Variants in WDPCP observed in about 807,000 individuals in gnomAD.
The protein encoded by WDPCP is WD repeat containing planar cell polarity effector.
WDPCP carries 71 observed loss-of-function variants against 93.1 expected under a neutral mutation model. The observed-to-expected ratio is 0.76, with a 90% CI of 0.63 to 0.93. The LOEUF (loss-of-function observed/expected upper bound fraction) is 0.93, where lower values mean the gene tolerates loss of function less well. WDPCP is among the 40% of genes least tolerant of loss of function. WDPCP has a pLI of 0.00. For synonymous variants in WDPCP, 315 were observed against 315.0 expected, an observed-to-expected ratio of 1.00 and a Z score of 0.00; for missense variants, 844 against 887.4, an observed-to-expected ratio of 0.95 and a Z score of 0.62.
At chr2:63,441,932 A>G (rs1477498847) in intron 6 of WDPCP, 1 of 152,208 alleles carries the variant, frequency 6.6e-6, no homozygotes, top group Non-Finnish European at 1.5e-5. Context: ...AAGTAGGTTA[A>G]TAGAAAGAGG....
At chr2:63,233,378 AC>A in intron 14 of WDPCP, 1 of 248,716 alleles carries the variant, frequency 4.0e-6, no homozygotes, top group Non-Finnish European at 7.9e-6. Flanking sequence ...CCATAAATCC[AC>A]AGAGTCTACA....
rs1671109655 is a variant in WDPCP at position 63,826,098 on chromosome 2, A to G, written n.222+1524T>C. On this transcript the variant is annotated intron_variant and non_coding_transcript_variant, in intron 1 of 4. Coordinates refer to the WDPCP transcript ENST00000467687. The stretch of plus-strand genomic sequence containing the variant: ...GTATCTTGCTCAATTCAATGCCATT[A>G]AAAGTTCAGATGCATCAGTTTGCCA... Among the ~76,000 whole-genome samples the G allele has an allele frequency of 2.6e-5, 4 of 152,316 alleles. No homozygotes were observed. The South Asian group carries it at 6.2e-4, about 24-fold the overall frequency.
chr2:63,359,121 C>T (rs1690245545), intron 12 of WDPCP, among the ~76,000 whole-genome samples: 1 of 151,490 alleles, frequency 6.6e-6, no homozygotes, highest in Admixed American at 6.6e-5. Flanking sequence ...CTTCTTTTTC[C>T]TTCTCCCTCC....
chr2:63,435,341 T>A (rs899677813), intron 8 of WDPCP, among the ~76,000 whole-genome samples: 1 of 152,202 alleles, frequency 6.6e-6, no homozygotes, highest in Non-Finnish European at 1.5e-5. Context: ...TCTATACCAC[T>A]TCCTTGTTTT....
chr2:63,833,789 G>T, the WDPCP span, among the ~76,000 whole-genome samples: 6 of 152,058 alleles, frequency 3.9e-5, no homozygotes, highest in African/African-American at 1.4e-4. Flanking sequence ...ACAACAAAAA[G>T]GATTTTAGAT....
At chr2:63,778,248 C>T (rs1464105572) in intron 2 of WDPCP, among the ~76,000 whole-genome samples, 2 of 151,446 alleles carry the variant, frequency 1.3e-5, no homozygotes, top group East Asian at 3.9e-4. Flanking sequence ...CACTCTGTCT[C>T]CCAGGCTGGA....
intron 3 of WDPCP, among the ~76,000 whole-genome samples, chr2:63,618,393 A>G (rs533178547): frequency 9.9e-5 from 15 of 152,218 alleles, no homozygotes; most frequent in Non-Finnish European, 1.0e-4. Context: ...CCTTCAACAC[A>G]CAAAGTACAT....
intron 3 of WDPCP, among the ~76,000 whole-genome samples, chr2:63,612,861 G>C (rs541508515): frequency 4.0e-5 from 6 of 151,836 alleles, no homozygotes; most frequent in African/African-American, 1.4e-4. Context: ...CTAGGACCTA[G>C]GCAGGTAGGG....
At chr2:63,752,612 T>TA in intron 2 of WDPCP, 1 of 549,670 alleles carries the variant, frequency 1.8e-6, no homozygotes, top group Non-Finnish European at 3.2e-6. Flanking sequence ...CTCTTTAGGA[T>TA]ACTGATTTAG....
At chr2:63,349,533 C>T (rs1288115222) in intron 12 of WDPCP, among the ~76,000 whole-genome samples, 1 of 151,958 alleles carries the variant, frequency 6.6e-6, no homozygotes, top group Non-Finnish European at 1.5e-5. Flanking sequence ...TAAATTATAA[C>T]ATCATACAAA....
chr2:63,396,756 T>C (rs982642551), intron 10 of WDPCP, among the ~76,000 whole-genome samples: 1 of 152,126 alleles, frequency 6.6e-6, no homozygotes, highest in African/African-American at 2.4e-5. Flanking sequence ...GATTATTTAA[T>C]CACCCAGGTA....
Position 63,750,659 on chromosome 2 carries a change from A to G in WDPCP, n.308+62963T>C, listed in dbSNP as rs574746666. 2.6e-5 allele frequency among the ~76,000 whole-genome samples: 4 copies of G among 152,280 alleles called. No homozygotes were observed. The South Asian group carries it at 8.3e-4, about 32-fold the overall frequency. On this transcript the variant is annotated intron_variant and non_coding_transcript_variant, in intron 2 of 4. Coordinates refer to the WDPCP transcript ENST00000467687. ...TAGGTTTTTGTGAAAGTTCCCTTCTATTCCTAGTTAGCTAAAAGTGTTCTT... is the reference window on the plus strand; with the variant it reads ...TAGGTTTTTGTGAAAGTTCCCTTCTGTTCCTAGTTAGCTAAAAGTGTTCTT...
chr2:63,812,797 C>T (rs2104094596), intron 2 of WDPCP, among the ~76,000 whole-genome samples: 1 of 152,212 alleles, frequency 6.6e-6, no homozygotes, highest in Admixed American at 6.5e-5. Context: ...CTACTGTACC[C>T]CATCCCTCAA....
chr2:63,316,150 G>C lies in WDPCP; in HGVS notation c.1749-2839C>G, dbSNP rs143618732. 7.5e-4 allele frequency among the ~76,000 whole-genome samples: 114 copies of C among 151,954 alleles called. 1 individual carries two copies. The highest frequency in any genetic ancestry group is 2.4e-3 in the Admixed American group (36 of 15,268). On this transcript the variant is annotated intron_variant, in intron 12 of 17. Transcript: ENST00000272321. Reference sequence around the variant, plus strand: ...GAATTACACAGAATGTTACACAGAGGAAAAAGAGATTAAAAATATAAAGAG... The same window carrying C: ...GAATTACACAGAATGTTACACAGAGCAAAAAGAGATTAAAAATATAAAGAG...
At chr2:63,588,887 C>T, upstream of WDPCP, 2 of 919,872 alleles carry the variant, frequency 2.2e-6, no homozygotes, top group South Asian at 1.4e-5. Context: ...ACAACCAGGG[C>T]AGCGTAAACT....
At chr2:63,754,914 A>T (rs1669939593) in intron 2 of WDPCP, among the ~76,000 whole-genome samples, 1 of 152,200 alleles carries the variant, frequency 6.6e-6, no homozygotes, top group Admixed American at 6.5e-5. Context: ...GCTCAAGGTC[A>T]TTCATGAGTT....
In WDPCP at chr2:63,404,515, C is replaced by T. The variant is rs991936622; in HGVS notation, c.968G>A (p.Arg323Gln). The change falls in exon 10 of 18, where the codon CGG becomes CAG. Residue 323 changes from arginine (R) to glutamine (Q), a missense_variant. Physicochemically the swap from Arg to Gln is conservative, Grantham distance 43. Coordinates refer to ENST00000272321, the MANE Select transcript of WDPCP (RefSeq NM_015910.7). ...MADSCIYECIRNKIQCVSVTR... is the reference protein window; with the variant it reads ...MADSCIYECIQNKIQCVSVTR... ...GACTGACACACACTGGATTTTATTC[C>T]GAATGCATTCATAGATGCAGCTGTC... The T allele has an allele frequency of 1.8e-5, 29 of 1,613,636 alleles. No homozygotes were observed. Among genetic ancestry groups the T allele is most frequent in the Non-Finnish European group, 2.4e-5 (28 of 1,179,754 alleles).
At chr2:63,573,602 G>A (rs535379636) in intron 1 of WDPCP, among the ~76,000 whole-genome samples, 33 of 152,186 alleles carry the variant, frequency 2.2e-4, no homozygotes, top group Middle Eastern at 3.4e-3. Flanking sequence ...ACCCTGTGAT[G>A]ATTGCGTTAA....
chr2:63,282,078 A>G (rs769766771), intron 13 of WDPCP, among the ~76,000 whole-genome samples: 2 of 152,226 alleles, frequency 1.3e-5, no homozygotes, highest in Non-Finnish European at 2.9e-5. Flanking sequence ...TAGATAAAAT[A>G]ATCCTAAAAG....
Sources: gnomAD v4.1 joint callset for allele counts (sites outside exome capture counted in the v4.1 genomes callset) on GRCh38, gnomAD v4.1.1 for gene constraint, MANE v1.5 for transcripts, NCBI Gene and HGNC (gene_info 2026-07-23, HGNC 2026-07-21) for gene names.